HDAC9: variants seen among roughly 807,000 people sequenced by gnomAD.
HDAC9 encodes the protein histone deacetylase 9.
A neutral mutation model predicts 139.4 loss-of-function variants in HDAC9; 41 were observed. The ratio of observed to expected loss-of-function variants is 0.29; its 90% CI spans 0.23 to 0.38. The LOEUF (loss-of-function observed/expected upper bound fraction) is 0.38. Among genes scored for constraint, HDAC9 ranks in the 10% least tolerant of loss-of-function variants. The probability of loss-of-function intolerance (pLI) is 1.00; values close to 1 mark genes in which losing one functional copy is unlikely to be tolerated. For missense variants in HDAC9, 1,147 were observed against 1,297.0 expected, an observed-to-expected ratio of 0.88 and a Z score of 1.78; for synonymous variants, 517 against 476.2, an observed-to-expected ratio of 1.09 and a Z score of -1.12.
chr7:18,099,980 C>T (rs1268861534), intron 1 of HDAC9, among the ~76,000 whole-genome samples: 1 of 152,160 alleles, frequency 6.6e-6, no homozygotes, highest in African/African-American at 2.4e-5. Context: ...CTTCCTTCTG[C>T]CTGACTTCCT....
At chr7:18,530,421 C>T (rs1230189271) in intron 2 of HDAC9, among the ~76,000 whole-genome samples, 2 of 151,848 alleles carry the variant, frequency 1.3e-5, no homozygotes, top group East Asian at 1.9e-4. Flanking sequence ...AAACAATGTT[C>T]AATGGTGTTG....
intron 14 of HDAC9, 147 bp downstream of exon 14, chr7:18,749,285 G>T: frequency 6.9e-6 from 6 of 875,758 alleles, no homozygotes; most frequent in Non-Finnish European, 1.0e-5. Flanking sequence ...GTAGCACAGA[G>T]CTTACCACCT....
chr7:18,419,481 G>A (rs1789415051), intron 1 of HDAC9, among the ~76,000 whole-genome samples: 2 of 151,300 alleles, frequency 1.3e-5, no homozygotes, highest in African/African-American at 4.8e-5. Flanking sequence ...CTGCCTCCAA[G>A]TGAGAAGATA....
Position 18,585,516 on chromosome 7 carries a change from T to C in HDAC9, c.258T>C (p.His86=). ...AGCACCAGGCTCAGCTTCAGGAGCA[T>C]ATCAAGGTAGCAAATGCTTCTTTGT... The part of the protein sequence containing the change: ...TRQHQAQLQE[H]IKLQQELLAI... Residue 86 remains histidine, a synonymous_variant, in exon 3 of 26, where the codon CAT becomes CAC. Coordinates refer to ENST00000686413, the MANE Select transcript of HDAC9 (RefSeq NM_178425.4). 1 of 1,613,482 alleles carries C rather than the reference T, an allele frequency of 6.2e-7. No homozygotes were observed. Among genetic ancestry groups the C allele is most frequent in the South Asian group, 1.1e-5 (1 of 91,046 alleles).
intron 22 of HDAC9, among the ~76,000 whole-genome samples, chr7:18,927,748 A>T (rs1186868133): frequency 6.6e-6 from 1 of 152,148 alleles, no homozygotes; most frequent in Non-Finnish European, 1.5e-5. Context: ...AAGAGTTACA[A>T]ATTAATACAA....
chr7:18,422,490 C>T (rs572835167), intron 1 of HDAC9, among the ~76,000 whole-genome samples: 2 of 152,182 alleles, frequency 1.3e-5, no homozygotes, highest in South Asian at 4.2e-4. Flanking sequence ...TAATCTATTC[C>T]ACTTTGCCCA....
intron 2 of HDAC9, among the ~76,000 whole-genome samples, chr7:18,273,317 CCTT>C (rs1442623761): frequency 6.6e-6 from 1 of 152,010 alleles, no homozygotes; most frequent in Admixed American, 6.6e-5. Context: ...GATTCTCCCT[CCTT>C]GGCCTCCCAA....
At chr7:18,818,543 C>A (rs1295679624) in intron 17 of HDAC9, among the ~76,000 whole-genome samples, 1 of 152,148 alleles carries the variant, frequency 6.6e-6, no homozygotes, top group African/African-American at 2.4e-5. Flanking sequence ...TGCAGCTATA[C>A]CTTTACCAAG....
At chr7:18,587,601 A>C (rs1829818001) in intron 3 of HDAC9, among the ~76,000 whole-genome samples, 1 of 152,254 alleles carries the variant, frequency 6.6e-6, no homozygotes, top group Non-Finnish European at 1.5e-5. Flanking sequence ...ACATTTGTTG[A>C]GTTAGATGCT....
At chr7:18,696,328 T>C (rs1333986076) in intron 12 of HDAC9, among the ~76,000 whole-genome samples, 1 of 148,748 alleles carries the variant, frequency 6.7e-6, no homozygotes, top group Non-Finnish European at 1.5e-5. Flanking sequence ...TATATTATAA[T>C]TATATACTTG....
At chr7:18,807,997 T>C (rs1442656704) in intron 17 of HDAC9, 1 of 152,230 alleles carries the variant, frequency 6.6e-6, no homozygotes, top group Non-Finnish European at 1.5e-5. Context: ...TTTTTGTGGA[T>C]GATCTATATT....
At chr7:18,137,618 C>A (rs1472352477) in intron 1 of HDAC9, among the ~76,000 whole-genome samples, 1 of 150,084 alleles carries the variant, frequency 6.7e-6, no homozygotes, top group Non-Finnish European at 1.5e-5. Flanking sequence ...TATTGATTTG[C>A]GTATATTGAA....
At chr7:18,324,546 C>G (rs675883) in intron 1 of HDAC9, among the ~76,000 whole-genome samples, 1 of 152,146 alleles carries the variant, frequency 6.6e-6, no homozygotes, top group East Asian at 1.9e-4. Flanking sequence ...AAATGGCTTA[C>G]GGTTTTTCTT....
chr7:18,718,297 T>C (rs527837037), intron 12 of HDAC9, among the ~76,000 whole-genome samples: 4 of 152,308 alleles, frequency 2.6e-5, no homozygotes, highest in African/African-American at 9.6e-5. Flanking sequence ...AATGGCGCGA[T>C]GTTGGCTCAC....
At chr7:18,889,068 C>T (rs1329415861) in intron 22 of HDAC9, among the ~76,000 whole-genome samples, 1 of 152,150 alleles carries the variant, frequency 6.6e-6, no homozygotes, top group Non-Finnish European at 1.5e-5. Context: ...TAATGTACAC[C>T]TCTTACCACA....
intron 2 of HDAC9, among the ~76,000 whole-genome samples, chr7:18,529,625 A>G (rs1313819217): frequency 1.3e-5 from 2 of 152,202 alleles, no homozygotes; most frequent in Non-Finnish European, 2.9e-5. Context: ...TATTTCGTGT[A>G]TTTATGGTTA....
At chr7:18,408,313 A>G (rs1448156128) in intron 1 of HDAC9, among the ~76,000 whole-genome samples, 2 of 152,204 alleles carry the variant, frequency 1.3e-5, no homozygotes, top group East Asian at 1.9e-4. Context: ...GAAGGCACTC[A>G]ATGAAGGAAG....
At chr7:18,202,745 T>C (rs1243755059) in intron 2 of HDAC9, among the ~76,000 whole-genome samples, 1 of 152,188 alleles carries the variant, frequency 6.6e-6, no homozygotes, top group Non-Finnish European at 1.5e-5. Flanking sequence ...TTTTGCTTCA[T>C]GGGCATGTCA....
intron 1 of HDAC9, among the ~76,000 whole-genome samples, chr7:18,392,482 G>A (rs111747410): frequency 2.4e-4 from 37 of 151,988 alleles, no homozygotes; most frequent in East Asian, 9.7e-4. Context: ...GTTAAAATCC[G>A]TTACTGGTAA....
Sources: gnomAD v4.1 joint callset for allele counts (sites outside exome capture counted in the v4.1 genomes callset) on GRCh38, gnomAD v4.1.1 for gene constraint, MANE v1.5 for transcripts, NCBI Gene and HGNC (gene_info 2026-07-23, HGNC 2026-07-21) for gene names.